KHDRBS2: variants seen among roughly 807,000 people sequenced by gnomAD.
KHDRBS2 encodes the protein KH domain-containing, RNA-binding, signal transduction-associated protein 2.
KHDRBS2 carries 26 observed loss-of-function variants against 44.3 expected under a neutral mutation model. That is an observed-to-expected ratio of 0.59 (90% CI 0.43 to 0.81). The LOEUF is 0.81. Ranked by LOEUF, KHDRBS2 falls within the 40% of genes least tolerant of loss-of-function variation. The probability of loss-of-function intolerance (pLI) is 0.00; values close to 1 mark genes in which losing one functional copy is unlikely to be tolerated. For missense variants in KHDRBS2, 476 were observed against 433.1 expected, an observed-to-expected ratio of 1.10 and a Z score of -0.88; for synonymous variants, 194 against 151.1, an observed-to-expected ratio of 1.28 and a Z score of -2.08.
At chr6:61,689,934 TTGG>T (rs1272288457) in intron 8 of KHDRBS2, among the ~76,000 whole-genome samples, 1 of 151,978 alleles carries the variant, frequency 6.6e-6, no homozygotes, top group African/African-American at 2.4e-5. Flanking sequence ...TTCAAACTCC[TTGG>T]TGGTGGTGAT....
At chr6:61,808,875 T>A (rs1421038104) in intron 6 of KHDRBS2, among the ~76,000 whole-genome samples, 3 of 151,746 alleles carry the variant, frequency 2.0e-5, no homozygotes, top group Non-Finnish European at 2.9e-5. Context: ...TAAAACAAAA[T>A]ACAAATAATT....
At chr6:61,770,140 G>A (rs1449242498) in intron 6 of KHDRBS2, among the ~76,000 whole-genome samples, 2 of 152,164 alleles carry the variant, frequency 1.3e-5, no homozygotes, top group East Asian at 3.9e-4. Context: ...CTGTTAGAAG[G>A]AAAACTAACA....
intron 4 of KHDRBS2, among the ~76,000 whole-genome samples, chr6:61,911,307 C>A (rs1319574163): frequency 6.6e-6 from 1 of 152,096 alleles, no homozygotes; most frequent in Non-Finnish European, 1.5e-5. Context: ...CAGTGCATTT[C>A]TGAGGAGCAA....
chr6:61,606,882 A>T, the KHDRBS2 span, among the ~76,000 whole-genome samples: 1 of 152,334 alleles, frequency 6.6e-6, no homozygotes, highest in Non-Finnish European at 1.5e-5. Flanking sequence ...AAACATGTCA[A>T]TAAAGTATAT....
chr6:61,868,653 C>T (rs755759060), intron 6 of KHDRBS2, among the ~76,000 whole-genome samples: 1 of 152,092 alleles, frequency 6.6e-6, no homozygotes, highest in South Asian at 2.1e-4. Flanking sequence ...CCTTCCTCAT[C>T]CAGGCCATTT....
chr6:61,878,687 C>T (rs1462416175), intron 6 of KHDRBS2, among the ~76,000 whole-genome samples: 1 of 152,016 alleles, frequency 6.6e-6, no homozygotes, highest in Non-Finnish European at 1.5e-5. Context: ...TATATGTATA[C>T]AGCACTTAGA....
chr6:61,836,442 C>T (rs1792684090), intron 6 of KHDRBS2, among the ~76,000 whole-genome samples: 1 of 151,996 alleles, frequency 6.6e-6, no homozygotes, highest in Admixed American at 6.6e-5. Context: ...ATCAGGCAGG[C>T]TGCCTGTTTT....
At chr6:61,703,626 T>C (rs772979964) in intron 7 of KHDRBS2, among the ~76,000 whole-genome samples, 1 of 151,888 alleles carries the variant, frequency 6.6e-6, no homozygotes, top group South Asian at 2.1e-4. Context: ...TATCCACTTA[T>C]GTGTCTATCA....
intron 8 of KHDRBS2, among the ~76,000 whole-genome samples, chr6:61,687,538 TC>T (rs1486040178): frequency 2.0e-5 from 3 of 151,878 alleles, no homozygotes. Flanking sequence ...GAACGGTAGT[TC>T]CCAGAGTCTT....
chr6:62,127,311 G>A (rs1320250638), intron 2 of KHDRBS2, among the ~76,000 whole-genome samples: 1 of 152,100 alleles, frequency 6.6e-6, no homozygotes, highest in East Asian at 1.9e-4. Flanking sequence ...CCTATTAGGA[G>A]TATGGGCTTT....
At chr6:61,734,074 T>C (rs1161673258) in intron 6 of KHDRBS2, among the ~76,000 whole-genome samples, 2 of 152,212 alleles carry the variant, frequency 1.3e-5, no homozygotes, top group African/African-American at 2.4e-5. Context: ...AAAAGACTAA[T>C]ATATTTATCA....
chr6:62,010,011 T>A (rs941633803), intron 3 of KHDRBS2, among the ~76,000 whole-genome samples: 1 of 152,018 alleles, frequency 6.6e-6, no homozygotes, highest in African/African-American at 2.4e-5. Flanking sequence ...GTCCTCCAGA[T>A]CCCAGAATGG....
intron 6 of KHDRBS2, among the ~76,000 whole-genome samples, chr6:61,859,441 T>C (rs2127293751): frequency 6.6e-6 from 1 of 151,948 alleles, no homozygotes; most frequent in South Asian, 2.1e-4. Context: ...CAAAAATAAT[T>C]TCCTGTAAGT....
intron 5 of KHDRBS2, among the ~76,000 whole-genome samples, chr6:61,899,276 TA>T (rs1803486165): frequency 6.6e-6 from 1 of 151,918 alleles, no homozygotes; most frequent in African/African-American, 2.4e-5. Flanking sequence ...AGGAAAAGAA[TA>T]TCTCTTATTC....
intron 3 of KHDRBS2, among the ~76,000 whole-genome samples, chr6:62,012,999 A>G (rs1460777364): frequency 6.6e-6 from 1 of 152,196 alleles, no homozygotes; most frequent in Non-Finnish European, 1.5e-5. Flanking sequence ...AGGACTGGGA[A>G]CTGCAGTGAC....
intron 8 of KHDRBS2, among the ~76,000 whole-genome samples, chr6:61,695,132 G>A (rs945345321): frequency 6.6e-6 from 1 of 152,082 alleles, no homozygotes; most frequent in Non-Finnish European, 1.5e-5. Context: ...GAAGGAAGCT[G>A]AACGCCTTTC....
chr6:62,168,811 A>G (rs994362445), intron 2 of KHDRBS2, among the ~76,000 whole-genome samples: 1 of 152,006 alleles, frequency 6.6e-6, no homozygotes, highest in East Asian at 1.9e-4. Flanking sequence ...CTATGCTACA[A>G]ACAACTTACT....
At chr6:62,104,426 T>G (rs1802663795) in intron 2 of KHDRBS2, among the ~76,000 whole-genome samples, 1 of 152,170 alleles carries the variant, frequency 6.6e-6, no homozygotes, top group South Asian at 2.1e-4. Context: ...ATATTTGAAA[T>G]CATTCAAGTC....
At chr6:61,808,241 A>G (rs1381004788) in intron 6 of KHDRBS2, among the ~76,000 whole-genome samples, 1 of 152,114 alleles carries the variant, frequency 6.6e-6, no homozygotes, top group Non-Finnish European at 1.5e-5. Context: ...AGTAGAATTC[A>G]TTTTCAAGGG....
Sources: gnomAD v4.1 joint callset for allele counts (sites outside exome capture counted in the v4.1 genomes callset) on GRCh38, gnomAD v4.1.1 for gene constraint, MANE v1.5 for transcripts, NCBI Gene and HGNC (gene_info 2026-07-23, HGNC 2026-07-21) for gene names.